The following P2RY6 variants were observed in gnomAD, a reference collection of about 807,000 sequenced individuals.
P2RY6 encodes pyrimidinergic receptor P2Y6, also known as P2Y purinoceptor 6.
A neutral mutation model predicts 16.3 loss-of-function variants in P2RY6; 19 were observed. That is an observed-to-expected ratio of 1.16 (90% confidence interval 0.81 to 1.71). The LOEUF (loss-of-function observed/expected upper bound fraction) is 1.71. Ranked by LOEUF, P2RY6 falls within the 40% of genes most tolerant of loss-of-function variation. P2RY6 has a pLI of 0.00. For synonymous variants in P2RY6, 184 were observed against 201.5 expected, an observed-to-expected ratio of 0.91 and a Z score of 0.74; for missense variants, 389 against 455.5, an observed-to-expected ratio of 0.85 and a Z score of 1.33.
chr11:73,297,396 A>G lies in P2RY6; in HGVS notation c.878A>G (p.Asn293Ser), dbSNP rs374839880. 1 of 1,612,420 alleles carries G rather than the reference A, an allele frequency of 6.2e-7. No individual in the cohort carries two copies. The highest frequency in any genetic ancestry group is 8.5e-7 in the Non-Finnish European group (1 of 1,180,016). ...GGCACGCGGCCGTTTGCCAGTGCCA[A>G]CAGCGTGCTGGACCCCATCCTCTTC... is the stretch of plus-strand genomic sequence containing the variant. ...YKGTRPFASA[N>S]SVLDPILFYF... The change falls in exon 3 of 3, where the codon AAC becomes AGC. Residue 293 changes from asparagine (N) to serine (S), a missense_variant. Physicochemically the swap from Asn to Ser is conservative, Grantham distance 46. Transcript: ENST00000540124.
At position 73,297,429 on chromosome 11, in the gene P2RY6, C is replaced by T; in HGVS notation, c.911C>T (p.Thr304Ile). 1 of 1,612,498 alleles carries T rather than the reference C, an allele frequency of 6.2e-7. No individual in the cohort carries two copies. Among genetic ancestry groups the T allele is most frequent in the Non-Finnish European group, 8.5e-7 (1 of 1,179,832 alleles). Reference sequence around the variant, plus strand: ...CTGGACCCCATCCTCTTCTACTTCACCCAGAAGAAGTTCCGCCGGCGACCA... The same window carrying T: ...CTGGACCCCATCCTCTTCTACTTCATCCAGAAGAAGTTCCGCCGGCGACCA... ...SVLDPILFYFTQKKFRRRPHE... is the reference protein window; with the variant it reads ...SVLDPILFYFIQKKFRRRPHE... Residue 304 changes from threonine to isoleucine, a missense_variant, in exon 3 of 3, where the codon ACC becomes ATC. Physicochemically the swap from Thr to Ile is moderately conservative, Grantham distance 89 (BLOSUM62 -1). Transcript: ENST00000540124.
rs772275313 is a variant in P2RY6 at position 73,296,631 on chromosome 11, C to T, written c.113C>T (p.Ala38Val). ...CCACCTGTGTATTCGGCGGTGCTGG[C>T]GGCTGGCCTGCCGCTGAACATCTGT... ...LLPPVYSAVL[A>V]AGLPLNICVI... is the part of the protein sequence containing the mutation. The change falls in exon 3 of 3, where the codon GCG becomes GTG. Residue 38 changes from alanine to valine, a missense_variant. By Grantham distance (64) the Ala-to-Val change is moderately conservative. Transcript: ENST00000540124. The T allele has an allele frequency of 1.3e-5, 21 of 1,614,098 alleles. No individual in the cohort carries two copies. The highest frequency in any genetic ancestry group is 8.8e-5 in the South Asian group (8 of 91,094).
chr11:73,290,307 GA>G (rs1322929625), intron 1 of P2RY6, among the ~76,000 whole-genome samples: 1 of 41,864 alleles, frequency 2.4e-5, no homozygotes, highest in South Asian at 8.5e-4. Context: ...AGAAAGAAAA[GA>G]AAGAAAGAAA....
chr11:73,267,822 G>A (rs1863155276), upstream of P2RY6, among the ~76,000 whole-genome samples: 1 of 152,202 alleles, frequency 6.6e-6, no homozygotes, highest in African/African-American at 2.4e-5. Context: ...ATGTGGGATG[G>A]CTGAAGAGGG....
chr11:73,267,338 A>G (rs551662405), upstream of P2RY6, among the ~76,000 whole-genome samples: 15 of 152,236 alleles, frequency 9.9e-5, no homozygotes, highest in Non-Finnish European at 2.1e-4. Context: ...GGTGGATGAC[A>G]GTGAACCCAG....
intron 1 of P2RY6, among the ~76,000 whole-genome samples, chr11:73,281,381 C>T (rs1863756635): frequency 6.6e-6 from 1 of 152,224 alleles, no homozygotes; most frequent in South Asian, 2.1e-4. Flanking sequence ...CACAGACTAG[C>T]TGAGCTGTGC....
At chr11:73,283,590 C>T (rs1863848788) in intron 1 of P2RY6, among the ~76,000 whole-genome samples, 1 of 152,208 alleles carries the variant, frequency 6.6e-6, no homozygotes, top group African/African-American at 2.4e-5. Flanking sequence ...TTGGAGATTT[C>T]CTTGTGGATG....
upstream of P2RY6, among the ~76,000 whole-genome samples, chr11:73,270,664 G>A (rs917961952): frequency 6.6e-6 from 1 of 152,202 alleles, no homozygotes; most frequent in Non-Finnish European, 1.5e-5. Context: ...CTTCCCCAGG[G>A]CTGGGAGTGG....
chr11:73,279,708 A>G (rs1333976183), intron 1 of P2RY6, among the ~76,000 whole-genome samples: 1 of 152,232 alleles, frequency 6.6e-6, no homozygotes, highest in Non-Finnish European at 1.5e-5. Context: ...CTGGTTCCAC[A>G]AAATTCCTGG....
At chr11:73,289,622 G>A (rs1046130192) in intron 1 of P2RY6, among the ~76,000 whole-genome samples, 3 of 152,264 alleles carry the variant, frequency 2.0e-5, no homozygotes, top group Admixed American at 6.5e-5. Context: ...GCTGTGTGAC[G>A]GAACGGGGCT....
At chr11:73,296,221 A>AG (rs1338458671) in intron 2 of P2RY6, among the ~76,000 whole-genome samples, 2 of 25,200 alleles carry the variant, frequency 7.9e-5, no homozygotes, top group Non-Finnish European at 1.8e-4. Flanking sequence ...GGAAGGCTGA[A>AG]GGAAAAAAAA....
At chr11:73,271,770 G>C (rs189860537), upstream of P2RY6, 9 of 152,226 alleles carry the variant, frequency 5.9e-5, no homozygotes, top group East Asian at 1.7e-3. Context: ...TTCCTTTTCC[G>C]AGTATAAAAC....
upstream of P2RY6, among the ~76,000 whole-genome samples, chr11:73,267,682 T>C (rs1301039972): frequency 6.6e-6 from 1 of 152,080 alleles, no homozygotes; most frequent in Non-Finnish European, 1.5e-5. Context: ...GCTCCAAAAT[T>C]CACAGTGATT....
rs576397460 is a variant in P2RY6, at chr11:73,278,874, T to C, written c.-121+6408T>C. ...GAGTCCTTGCCTTCAGTTCTTTTGG[T>C]TGGAATTCTAGGAGTAGAATTGCTG... On this transcript the variant is annotated intron_variant, in intron 1 of 2. Coordinates refer to ENST00000540124, the MANE Select transcript of P2RY6 (RefSeq NM_001277204.2). 3.9e-5 allele frequency among the ~76,000 whole-genome samples: 6 copies of C among 152,342 alleles called. 1 individual carries two copies. Among genetic ancestry groups the C allele is most frequent in the East Asian group, 1.9e-4 (1 of 5,192 alleles).
chr11:73,277,449 G>A (rs1242440035), intron 1 of P2RY6, among the ~76,000 whole-genome samples: 2 of 152,192 alleles, frequency 1.3e-5, no homozygotes, highest in African/African-American at 4.8e-5. Flanking sequence ...TGAAGAAAGT[G>A]GGAAGGGCCT....
intron 1 of P2RY6, among the ~76,000 whole-genome samples, chr11:73,290,551 C>T (rs1864202077): frequency 6.6e-6 from 1 of 152,244 alleles, no homozygotes; most frequent in Non-Finnish European, 1.5e-5. Flanking sequence ...CTTTGCAGAG[C>T]TCATCCATTG....
rs776579171 is a variant in P2RY6, at chr11:73,297,496, G to A, written c.978G>A (p.Gln326=). ...LQKLTAKWQR[Q]GR ...AACTCACAGCCAAATGGCAGAGGCA[G>A]GGTCGCTGAGTCCTCCAGGTCCTGG... The change falls in exon 3 of 3, where the codon CAG becomes CAA. Residue 326 remains glutamine, a synonymous_variant. Transcript: ENST00000540124. 1 of 1,606,192 alleles carries A rather than the reference G, an allele frequency of 6.2e-7. No homozygotes were observed. Among genetic ancestry groups the A allele is most frequent in the East Asian group, 2.2e-5 (1 of 44,640 alleles).
intron 1 of P2RY6, among the ~76,000 whole-genome samples, chr11:73,283,401 C>T (rs1863841174): frequency 1.3e-5 from 2 of 152,164 alleles, no homozygotes; most frequent in Admixed American, 1.3e-4. Flanking sequence ...CTGGAGGTGC[C>T]CCTGCCGGCC....
chr11:73,272,248 G>C (rs559498386), upstream of P2RY6: 543 of 659,732 alleles, frequency 8.2e-4, 1 homozygote, highest in Non-Finnish European at 9.6e-4. Context: ...CTCGGGATTC[G>C]AGTCCTGGCC....
Sources: allele counts gnomAD v4.1 joint callset (sites outside exome capture counted in the v4.1 genomes callset), GRCh38; gene constraint gnomAD v4.1.1; transcripts MANE v1.5; gene names NCBI Gene and HGNC (gene_info 2026-07-23, HGNC 2026-07-21).